Variants in CSMD1 observed in about 807,000 individuals in gnomAD.
CSMD1 encodes CUB and Sushi multiple domains 1.
A neutral mutation model predicts 417.5 loss-of-function variants in CSMD1; 213 were observed. The ratio of observed to expected loss-of-function variants is 0.51; its 90% confidence interval spans 0.46 to 0.57. CSMD1 has a LOEUF of 0.57. Ranked by LOEUF, CSMD1 falls within the 20% of genes least tolerant of loss-of-function variation. The pLI is 0.00. For missense variants in CSMD1, 6,923 were observed against 4,529.7 expected (o/e 1.53, Z -15.17); for synonymous variants, 2,862 against 1,736.8 (o/e 1.65, Z -16.11).
At chr8:3,586,941 A>G (rs748582773) in intron 8 of CSMD1, among the ~76,000 whole-genome samples, 4 of 152,192 alleles carry the variant, frequency 2.6e-5, no homozygotes, top group African/African-American at 7.2e-5. Flanking sequence ...CTGGGACTAC[A>G]GATGTGCACA....
intron 2 of CSMD1, among the ~76,000 whole-genome samples, chr8:4,626,958 A>G (rs1435076863): frequency 6.6e-6 from 1 of 152,180 alleles, no homozygotes; most frequent in Non-Finnish European, 1.5e-5. Context: ...CTGCAAAGGG[A>G]TACGTAAGTA....
chr8:4,661,133 T>C lies in CSMD1; in HGVS notation c.86-23575A>G, dbSNP rs1307665354. Among the ~76,000 whole-genome samples the C allele has an allele frequency of 2.0e-5, 3 of 152,182 alleles. No individual in the cohort carries two copies. The East Asian group carries it at 5.8e-4, about 29-fold the overall frequency. On this transcript the variant is annotated intron_variant, in intron 1 of 69. Transcript: ENST00000635120. ...TACTACTAGGCATTTATCCTAGAAA[T>C]GTGACAACATTCACACAAAAACCTG... is the stretch of plus-strand genomic sequence containing the variant.
At chr8:3,727,928 G>A (rs67511167) in intron 6 of CSMD1, among the ~76,000 whole-genome samples, 21,859 of 152,066 alleles carry the variant, frequency 0.14, 2,217 homozygotes, top group East Asian at 0.35. Context: ...TCAAAGAGCG[G>A]CAGGGAGGAG....
chr8:3,903,413 A>G (rs374732781), intron 5 of CSMD1, among the ~76,000 whole-genome samples: 2 of 152,322 alleles, frequency 1.3e-5, no homozygotes, highest in South Asian at 4.1e-4. Flanking sequence ...ATGCCAGAGC[A>G]TTAATATTAA....
chr8:3,504,240 C>A (rs181128427), intron 10 of CSMD1, among the ~76,000 whole-genome samples: 2 of 115,024 alleles, frequency 1.7e-5, no homozygotes, highest in African/African-American at 7.6e-5. Context: ...TATTAATTAA[C>A]AATTTCTTTA....
rs1470762806 is a variant in CSMD1 at position 3,407,428 on chromosome 8, G to GATGA, written c.2071+470_2071+471insTCAT. On this transcript the variant is annotated intron_variant, in intron 14 of 69. Transcript: ENST00000635120. ...GGATGAATGGATGGAAGGATGGATG[G>GATGA]ATAGATGGAAGGATGGATGGAAAGA... Among the ~76,000 whole-genome samples, 10 of 151,964 alleles carry GATGA rather than the reference G, an allele frequency of 6.6e-5. 1 individual carries two copies. In the East Asian group the frequency reaches 1.6e-3, roughly 24 times the overall value.
At chr8:3,857,431 A>G (rs1377976473) in intron 5 of CSMD1, among the ~76,000 whole-genome samples, 2 of 152,190 alleles carry the variant, frequency 1.3e-5, no homozygotes, top group African/African-American at 2.4e-5. Context: ...GTGATGGTAA[A>G]TCCAAGCCAG....
At chr8:4,034,917 A>G (rs1457080833) in intron 3 of CSMD1, among the ~76,000 whole-genome samples, 1 of 152,178 alleles carries the variant, frequency 6.6e-6, no homozygotes, top group Admixed American at 6.5e-5. Context: ...ATGACCAGTC[A>G]TTGTCACACA....
At chr8:4,715,806 C>T (rs1808617758) in intron 1 of CSMD1, among the ~76,000 whole-genome samples, 1 of 152,174 alleles carries the variant, frequency 6.6e-6, no homozygotes, top group South Asian at 2.1e-4. Context: ...GTCCTCCTAT[C>T]TCTAGCACTA....
chr8:4,710,520 C>T (rs757330822), intron 1 of CSMD1, among the ~76,000 whole-genome samples: 1 of 148,038 alleles, frequency 6.8e-6, no homozygotes, highest in African/African-American at 2.5e-5. Flanking sequence ...AGTAAGTGTG[C>T]CAGGAGAAGA....
chr8:3,451,122 A>C (rs896043366), intron 12 of CSMD1, among the ~76,000 whole-genome samples: 1 of 152,154 alleles, frequency 6.6e-6, no homozygotes, highest in Non-Finnish European at 1.5e-5. Context: ...TCTTTTGAGA[A>C]GTGTCTGTTC....
intron 3 of CSMD1, among the ~76,000 whole-genome samples, chr8:4,165,131 A>C (rs1421781350): frequency 2.0e-5 from 3 of 152,162 alleles, no homozygotes; most frequent in Non-Finnish European, 4.4e-5. Context: ...CATGCATGAC[A>C]GGTATCTATA....
At chr8:3,077,608 T>C (rs11136567) in intron 49 of CSMD1, among the ~76,000 whole-genome samples, 88,220 of 152,032 alleles carry the variant, frequency 0.58, 25,818 homozygotes, top group Non-Finnish European at 0.59. Flanking sequence ...CAGCTATCTC[T>C]ACCTTAAGAA....
chr8:3,214,153 T>C (rs1301849858), intron 30 of CSMD1, among the ~76,000 whole-genome samples: 1 of 151,982 alleles, frequency 6.6e-6, no homozygotes, highest in Non-Finnish European at 1.5e-5. Context: ...TAGAAGTAAG[T>C]ATTTTATATA....
intron 12 of CSMD1, among the ~76,000 whole-genome samples, chr8:3,448,902 C>T (rs902469457): frequency 4.6e-5 from 7 of 152,154 alleles, no homozygotes; most frequent in Non-Finnish European, 1.0e-4. Flanking sequence ...GAAGAAGCAC[C>T]TCCCTATGTA....
At chr8:4,474,066 G>A (rs923747906) in intron 2 of CSMD1, among the ~76,000 whole-genome samples, 4 of 152,056 alleles carry the variant, frequency 2.6e-5, no homozygotes, top group South Asian at 2.1e-4. Flanking sequence ...ATATGCAAAC[G>A]TATAATGTAT....
At chr8:4,243,006 G>A (rs1226659688) in intron 3 of CSMD1, among the ~76,000 whole-genome samples, 1 of 152,158 alleles carries the variant, frequency 6.6e-6, no homozygotes, top group Non-Finnish European at 1.5e-5. Context: ...TTGTTAAAAT[G>A]CAAAGGAAAC....
chr8:3,504,566 G>A (rs1796744621), intron 10 of CSMD1, among the ~76,000 whole-genome samples: 1 of 152,146 alleles, frequency 6.6e-6, no homozygotes, highest in South Asian at 2.1e-4. Context: ...GCCACCATTT[G>A]AAGTATTCTG....
chr8:4,706,978 G>C (rs942900758), intron 1 of CSMD1, among the ~76,000 whole-genome samples: 7 of 152,138 alleles, frequency 4.6e-5, no homozygotes, highest in East Asian at 3.9e-4. Context: ...GAGTGACAGG[G>C]ACAAAGTCAT....
Sources: gnomAD v4.1 joint callset for allele counts (sites outside exome capture counted in the v4.1 genomes callset) on GRCh38, gnomAD v4.1.1 for gene constraint, MANE v1.5 for transcripts, NCBI Gene and HGNC (gene_info 2026-07-23, HGNC 2026-07-21) for gene names.